ADAM29: variants seen among roughly 807,000 people sequenced by gnomAD.
ADAM29 encodes the protein ADAM metallopeptidase domain 29.
For synonymous variants in ADAM29, 367 were observed against 342.3 expected, an observed-to-expected ratio of 1.07 and a Z score of -0.80; for missense variants, 969 against 1,001.8, an observed-to-expected ratio of 0.97 and a Z score of 0.44.
At chr4:174,960,255 T>C (rs1402714385) in intron 4 of ADAM29, among the ~76,000 whole-genome samples, 1 of 152,044 alleles carries the variant, frequency 6.6e-6, no homozygotes, top group Non-Finnish European at 1.5e-5. Flanking sequence ...TAATAAACTT[T>C]GGTCTGTTAA....
intron 4 of ADAM29, 127 bp from the exon 5 acceptor site, chr4:174,975,219 T>G (rs1746694330): frequency 1.6e-5 from 4 of 248,842 alleles, no homozygotes; most frequent in Non-Finnish European, 3.0e-5. Context: ...TTTGAGTCAT[T>G]CCTTGATGAA....
chr4:174,925,863 T>C (rs979856172), intron 2 of ADAM29, among the ~76,000 whole-genome samples: 12 of 152,176 alleles, frequency 7.9e-5, no homozygotes, highest in African/African-American at 2.9e-4. Context: ...GCACTTTCTG[T>C]TTTCCTTGCT....
intron 4 of ADAM29, among the ~76,000 whole-genome samples, chr4:174,947,124 A>ATC (rs145310230): frequency 1.1e-4 from 17 of 148,438 alleles, no homozygotes; most frequent in Middle Eastern, 3.4e-3. Context: ...GCTTATTTGG[A>ATC]TCTCTCTCTC....
intron 4 of ADAM29, among the ~76,000 whole-genome samples, chr4:174,949,763 T>C (rs6823214): frequency 0.54 from 81,546 of 151,454 alleles, 22,144 homozygotes; most frequent in East Asian, 0.57. Flanking sequence ...CCACCATTAT[T>C]CTTGCACCTC....
At chr4:174,922,512 T>A (rs113704119) in intron 2 of ADAM29, among the ~76,000 whole-genome samples, 3,516 of 152,154 alleles carry the variant, frequency 0.023, 72 homozygotes, top group Non-Finnish European at 0.032. Flanking sequence ...TTGATGAGGC[T>A]GAGTTTCAAT....
At chr4:174,930,746 C>T (rs144588123) in intron 2 of ADAM29, among the ~76,000 whole-genome samples, 103 of 152,152 alleles carry the variant, frequency 6.8e-4, no homozygotes, top group African/African-American at 2.4e-3. Flanking sequence ...ATTCAAATAG[C>T]CCACTAACAC....
At chr4:174,928,787 T>C (rs1743675563) in intron 2 of ADAM29, among the ~76,000 whole-genome samples, 1 of 152,152 alleles carries the variant, frequency 6.6e-6, no homozygotes, top group Non-Finnish European at 1.5e-5. Flanking sequence ...GTTAAGCTCC[T>C]ACATTTCTAT....
intron 4 of ADAM29, among the ~76,000 whole-genome samples, chr4:174,956,422 C>T (rs1745500381): frequency 6.6e-6 from 1 of 151,034 alleles, no homozygotes; most frequent in Non-Finnish European, 1.5e-5. Context: ...CATATAAGCC[C>T]TAACTATGAA....
intron 4 of ADAM29, among the ~76,000 whole-genome samples, chr4:174,939,857 A>G (rs1744426047): frequency 6.6e-6 from 1 of 152,148 alleles, no homozygotes; most frequent in African/African-American, 2.4e-5. Context: ...TCACATGATT[A>G]TCAGAAACAC....
intron 4 of ADAM29, among the ~76,000 whole-genome samples, chr4:174,968,255 C>A (rs187271666): frequency 6.6e-6 from 1 of 152,206 alleles, no homozygotes; most frequent in African/African-American, 2.4e-5. Context: ...CCTTTATAAT[C>A]CAAAGACCTA....
intron 4 of ADAM29, among the ~76,000 whole-genome samples, chr4:174,960,710 C>G (rs1274168977): frequency 6.6e-6 from 1 of 152,102 alleles, no homozygotes; most frequent in Non-Finnish European, 1.5e-5. Flanking sequence ...TTTTGAAGCT[C>G]TGTTATTAAG....
intron 2 of ADAM29, among the ~76,000 whole-genome samples, chr4:174,921,165 T>G (rs1463567092): frequency 1.3e-5 from 2 of 152,176 alleles, no homozygotes; most frequent in Non-Finnish European, 2.9e-5. Flanking sequence ...ATAAACAAGA[T>G]GTAAACAAAC....
At chr4:174,969,936 T>C (rs980538028) in intron 4 of ADAM29, among the ~76,000 whole-genome samples, 4 of 152,126 alleles carry the variant, frequency 2.6e-5, no homozygotes, top group Non-Finnish European at 5.9e-5. Context: ...CTTGACCATA[T>C]TGCCACATTT....
At chr4:174,941,759 A>G (rs1292717618) in intron 4 of ADAM29, among the ~76,000 whole-genome samples, 1 of 152,106 alleles carries the variant, frequency 6.6e-6, no homozygotes, top group East Asian at 1.9e-4. Context: ...TCCTTCTTAC[A>G]TTTTAAAACC....
intron 4 of ADAM29, among the ~76,000 whole-genome samples, chr4:174,967,805 GT>G (rs1013361288): frequency 8.5e-5 from 13 of 152,174 alleles, no homozygotes; most frequent in Non-Finnish European, 1.3e-4. Flanking sequence ...ACACTGAATT[GT>G]TGGGTGGTTA....
intron 3 of ADAM29, among the ~76,000 whole-genome samples, chr4:174,936,004 T>G (rs1744178843): frequency 6.6e-6 from 1 of 152,036 alleles, no homozygotes; most frequent in Admixed American, 6.6e-5. Flanking sequence ...TGGATACTTT[T>G]GAGAACAAAA....
At chr4:174,969,833 A>G (rs963018426) in intron 4 of ADAM29, among the ~76,000 whole-genome samples, 3 of 152,118 alleles carry the variant, frequency 2.0e-5, no homozygotes, top group Non-Finnish European at 4.4e-5. Context: ...TATTTTTACT[A>G]TTATAAATAA....
intron 2 of ADAM29, among the ~76,000 whole-genome samples, chr4:174,924,577 T>C (rs1743383119): frequency 6.6e-6 from 1 of 152,226 alleles, no homozygotes; most frequent in South Asian, 2.1e-4. Flanking sequence ...TTCAGTATGC[T>C]AATGAATAAA....
intron 4 of ADAM29, among the ~76,000 whole-genome samples, chr4:174,961,326 G>C (rs1290385357): frequency 6.6e-6 from 1 of 150,900 alleles, no homozygotes; most frequent in African/African-American, 2.4e-5. Context: ...TTATATAGTT[G>C]ATATATTATT....
Sources: allele counts gnomAD v4.1 joint callset (sites outside exome capture counted in the v4.1 genomes callset), GRCh38; gene constraint gnomAD v4.1.1; transcripts MANE v1.5; gene names NCBI Gene and HGNC (gene_info 2026-07-23, HGNC 2026-07-21).